The following SYNRG variants were observed in gnomAD, a reference collection of about 807,000 sequenced individuals.
The protein encoded by SYNRG is synergin gamma, also known as AP1 gamma subunit binding protein 1.
Under a neutral mutation model 130.9 loss-of-function variants are expected in SYNRG, and 37 were observed. That is an observed-to-expected ratio of 0.28 (90% CI 0.22 to 0.37). The LOEUF is 0.37. Ranked by LOEUF, SYNRG falls within the 10% of genes least tolerant of loss-of-function variation. The probability of loss-of-function intolerance (pLI) is 1.00; values close to 1 mark genes in which losing one functional copy is unlikely to be tolerated. For synonymous variants in SYNRG, 539 were observed against 568.1 expected, an observed-to-expected ratio of 0.95 and a Z score of 0.73; for missense variants, 1,338 against 1,588.9, an observed-to-expected ratio of 0.84 and a Z score of 2.68.
rs2063729960 is a variant in SYNRG at position 37,606,170 on chromosome 17, C to T, written c.77+3109G>A. ...TCTCACAAAACTCTTCTCTGCCACT[C>T]AGAGCCACAGTCATCTGGCACTGCA... On this transcript the variant is annotated intron_variant, in intron 1 of 21. Transcript: ENST00000612223. Among the ~76,000 whole-genome samples the T allele has an allele frequency of 2.6e-5, 4 of 152,202 alleles. No individual in the cohort carries two copies. The South Asian group carries it at 8.3e-4, about 32-fold the overall frequency.
At chr17:37,585,679 A>G (rs1340881629) in intron 4 of SYNRG, among the ~76,000 whole-genome samples, 1 of 152,234 alleles carries the variant, frequency 6.6e-6, no homozygotes, top group African/African-American at 2.4e-5. Flanking sequence ...AATTTGCAAG[A>G]GGAGGAAACA....
intron 19 of SYNRG, among the ~76,000 whole-genome samples, chr17:37,530,940 T>C (rs1166531061): frequency 6.6e-6 from 1 of 152,198 alleles, no homozygotes; most frequent in East Asian, 1.9e-4. Flanking sequence ...GCCATGCAGA[T>C]TTACTGCAAT....
intron 19 of SYNRG, 61 bp from the exon 20 acceptor site, chr17:37,520,709 C>T: frequency 2.2e-6 from 3 of 1,385,060 alleles, no homozygotes; most frequent in South Asian, 1.2e-5. Context: ...GTTCACTTCA[C>T]TCCCTCATCA....
Position 37,541,312 on chromosome 17 carries a change from G to C in SYNRG, c.3202+660C>G, listed in dbSNP as rs2057737483. On this transcript the variant is annotated intron_variant, in intron 15 of 21. Transcript: ENST00000612223. ...CAAACTCAAATGCCTTCAGAGACCA[G>C]GCAAGTAAAGTGAACAACTTAAGTA... 1.5e-5 allele frequency: 14 copies of C among 957,506 alleles called. No homozygotes were observed. In the South Asian group the frequency reaches 6.3e-4, roughly 43 times the overall value. The allele number at this position is 957,506 out of a possible 1,614,324, so 59.3% of individuals were successfully genotyped here. A position where few individuals can be genotyped will look rare whatever the true frequency, so the allele number is the denominator to read the frequency against.
At chr17:37,526,283 G>A (rs539310506) in intron 19 of SYNRG, among the ~76,000 whole-genome samples, 2 of 152,204 alleles carry the variant, frequency 1.3e-5, no homozygotes, top group African/African-American at 4.8e-5. Context: ...ACATGGCACA[G>A]AGCCCCCCAC....
chr17:37,549,503 A>G (rs761182407), intron 14 of SYNRG, among the ~76,000 whole-genome samples: 1 of 152,122 alleles, frequency 6.6e-6, no homozygotes, highest in Non-Finnish European at 1.5e-5. Context: ...TTTATGTACT[A>G]TGAGTGAAAA....
intron 19 of SYNRG, among the ~76,000 whole-genome samples, chr17:37,528,329 C>T (rs2158236): frequency 7.9e-5 from 12 of 152,158 alleles, no homozygotes; most frequent in Non-Finnish European, 1.6e-4. Context: ...CCCCTCCTAC[C>T]TTCCCCTTAT....
intron 16 of SYNRG, 111 bp downstream of exon 16, chr17:37,540,267 TTG>T: frequency 7.9e-7 from 1 of 1,262,462 alleles, no homozygotes; most frequent in Non-Finnish European, 1.1e-6. Flanking sequence ...GTCTGGTGCT[TTG>T]TGTCTTTCTG....
At chr17:37,554,509 A>G (rs967285925) in intron 13 of SYNRG, among the ~76,000 whole-genome samples, 3 of 152,198 alleles carry the variant, frequency 2.0e-5, no homozygotes, top group African/African-American at 7.2e-5. Context: ...GGTACCAATA[A>G]AGTATTATGA....
At chr17:37,524,994 C>A (rs2055652148) in intron 19 of SYNRG, among the ~76,000 whole-genome samples, 3 of 152,112 alleles carry the variant, frequency 2.0e-5, no homozygotes, top group Non-Finnish European at 4.4e-5. Context: ...ATAAGGAAAG[C>A]AAATGAAAAG....
At chr17:37,603,544 A>G (rs889512924) in intron 1 of SYNRG, among the ~76,000 whole-genome samples, 21 of 152,210 alleles carry the variant, frequency 1.4e-4, no homozygotes, top group African/African-American at 4.8e-4. Context: ...TGATTCATGG[A>G]GAATGGATGC....
At chr17:37,522,667 G>T (rs1183383337) in intron 19 of SYNRG, among the ~76,000 whole-genome samples, 2 of 139,052 alleles carry the variant, frequency 1.4e-5, no homozygotes, top group African/African-American at 2.7e-5. Flanking sequence ...TTGAGGTGGA[G>T]TCTTGCTCTG....
Position 37,594,745 on chromosome 17 carries a change from C to A in SYNRG, c.240+1478G>T, listed in dbSNP as rs1598611268. On this transcript the variant is annotated intron_variant, in intron 3 of 21. Coordinates refer to ENST00000612223, the MANE Select transcript of SYNRG (RefSeq NM_007247.6). ...AAAGTGCTGGGATTACAGGTGTGAG[C>A]CACTGCTCCCAGCCATTTGCTACCT... 2.6e-5 allele frequency among the ~76,000 whole-genome samples: 4 copies of A among 152,288 alleles called. No homozygotes were observed. In the East Asian group the frequency reaches 7.7e-4, roughly 29 times the overall value.
rs58695123 is a variant in SYNRG, at chr17:37,589,473, G to A, written c.241-2924C>T. On this transcript the variant is annotated intron_variant, in intron 3 of 21. Coordinates refer to ENST00000612223, the MANE Select transcript of SYNRG (RefSeq NM_007247.6). ...AATTAAAAATGGGCTATTTAGGGCCGGGCGCGGTGGCTCACGCCTGTAATT... is the reference window on the plus strand; with the variant it reads ...AATTAAAAATGGGCTATTTAGGGCCAGGCGCGGTGGCTCACGCCTGTAATT... Among the ~76,000 whole-genome samples, 867 of 152,294 alleles carry A rather than the reference G, an allele frequency of 5.7e-3. 7 individuals carry two copies. Among genetic ancestry groups the A allele is most frequent in the African/African-American group, 0.02 (822 of 41,564 alleles).
intron 6 of SYNRG, among the ~76,000 whole-genome samples, chr17:37,583,684 C>T (rs1184324981): frequency 6.6e-6 from 1 of 152,056 alleles, no homozygotes; most frequent in African/African-American, 2.4e-5. Context: ...AATGTCAAAA[C>T]GTTGAATTTG....
intron 3 of SYNRG, among the ~76,000 whole-genome samples, chr17:37,590,447 T>C (rs1318714268): frequency 6.6e-6 from 1 of 152,118 alleles, no homozygotes; most frequent in African/African-American, 2.4e-5. Context: ...TTAGAAGCAA[T>C]TTAAATGTCT....
Position 37,576,258 on chromosome 17 carries a change from CAACAGTA to C in SYNRG, c.901+76_901+82del, listed in dbSNP as rs563173556. On this transcript the variant is annotated intron_variant, in intron 8 of 21. Transcript: ENST00000612223. ...ACTCCTCCTGCATTTTTTGTAAGTG[CAACAGTA>C]AATATTTACAACTACATTTACAATA... The C allele has an allele frequency of 6.1e-4, 830 of 1,367,404 alleles. 2 individuals are homozygous for C. In the African/African-American group the frequency reaches 0.011, roughly 18 times the overall value. 84.7% of individuals were successfully genotyped at this position (1,367,404 alleles called of 1,614,324 possible).
intron 2 of SYNRG, among the ~76,000 whole-genome samples, chr17:37,599,720 T>A (rs1407296877): frequency 4.6e-5 from 7 of 152,126 alleles, no homozygotes; most frequent in African/African-American, 1.7e-4. Flanking sequence ...AGAGACTCCA[T>A]CTCAAAAATA....
chr17:37,538,048 C>T (rs182979958), intron 18 of SYNRG, among the ~76,000 whole-genome samples: 1 of 152,306 alleles, frequency 6.6e-6, no homozygotes, highest in Non-Finnish European at 1.5e-5. Flanking sequence ...TTTAGTGCAT[C>T]GGTAGTTCAG....
Sources: allele counts gnomAD v4.1 joint callset (sites outside exome capture counted in the v4.1 genomes callset), GRCh38; gene constraint gnomAD v4.1.1; transcripts MANE v1.5; gene names NCBI Gene and HGNC (gene_info 2026-07-23, HGNC 2026-07-21).